Variants in PSKH1 observed in about 807,000 individuals in gnomAD.
PSKH1 encodes the protein protein serine kinase H1.
In PSKH1, 12 loss-of-function variants were observed where a neutral mutation model predicts 26.7. The ratio of observed to expected loss-of-function variants is 0.45; its 90% CI spans 0.29 to 0.73. PSKH1 has a LOEUF of 0.73. Among genes scored for constraint, PSKH1 ranks in the 30% least tolerant of loss-of-function variants. The probability of loss-of-function intolerance (pLI) is 0.11; values close to 1 mark genes in which losing one functional copy is unlikely to be tolerated. For synonymous variants in PSKH1, 213 were observed against 234.3 expected (o/e 0.91, Z 0.83); for missense variants, 431 against 595.2 (o/e 0.72, Z 2.87).
intron 2 of PSKH1, among the ~76,000 whole-genome samples, chr16:67,922,046 TC>T: frequency 6.6e-6 from 1 of 151,770 alleles, no homozygotes; most frequent in South Asian, 2.1e-4. Flanking sequence ...TCAGGCTCTC[TC>T]CCCCCACACC....
At chr16:67,912,259 C>T (rs542483837) in intron 2 of PSKH1, among the ~76,000 whole-genome samples, 1 of 152,254 alleles carries the variant, frequency 6.6e-6, no homozygotes, top group African/African-American at 2.4e-5. Flanking sequence ...GTCAGGAGTG[C>T]CCAACAGTGA....
chr16:67,923,770 A>G (rs1443263863), intron 2 of PSKH1, among the ~76,000 whole-genome samples: 3 of 152,198 alleles, frequency 2.0e-5, no homozygotes, highest in African/African-American at 7.2e-5. Context: ...TTCACCTAGA[A>G]CAAACAGAGT....
At chr16:67,904,515 T>G (rs2058150644) in intron 1 of PSKH1, among the ~76,000 whole-genome samples, 1 of 152,094 alleles carries the variant, frequency 6.6e-6, no homozygotes, top group Middle Eastern at 3.4e-3. Flanking sequence ...AATTTTTGTA[T>G]TTTTAGTAGA....
At chr16:67,905,538 A>G (rs1432591281) in intron 1 of PSKH1, among the ~76,000 whole-genome samples, 2 of 152,180 alleles carry the variant, frequency 1.3e-5, no homozygotes, top group African/African-American at 4.8e-5. Context: ...TTGGTTCTTA[A>G]GCTTAACACT....
chr16:67,913,614 G>A (rs939982051), intron 2 of PSKH1, among the ~76,000 whole-genome samples: 9 of 152,152 alleles, frequency 5.9e-5, no homozygotes, highest in Admixed American at 3.3e-4. Flanking sequence ...AGGAGTGATT[G>A]CTGGGTCCCA....
intron 1 of PSKH1, among the ~76,000 whole-genome samples, chr16:67,895,464 A>G (rs2058123839): frequency 6.7e-6 from 1 of 149,990 alleles, no homozygotes; most frequent in East Asian, 2.0e-4. Context: ...GCTGGAGTGC[A>G]GTGGTGCGAT....
chr16:67,907,118 C>T (rs2058158306), intron 1 of PSKH1, among the ~76,000 whole-genome samples: 1 of 151,792 alleles, frequency 6.6e-6, no homozygotes, highest in Non-Finnish European at 1.5e-5. Context: ...CGCCTGCCAC[C>T]ACGCCCGGCT....
chr16:67,923,016 T>C (rs1325042063), intron 2 of PSKH1, among the ~76,000 whole-genome samples: 4 of 152,238 alleles, frequency 2.6e-5, no homozygotes, highest in Non-Finnish European at 5.9e-5. Flanking sequence ...GTAGTGTTCA[T>C]GCCAGGCCCT....
intron 1 of PSKH1, among the ~76,000 whole-genome samples, chr16:67,896,977 T>C (rs1023226842): frequency 6.6e-6 from 1 of 152,134 alleles, no homozygotes; most frequent in African/African-American, 2.4e-5. Context: ...GTTAAATGAG[T>C]GAGACTTTGG....
intron 1 of PSKH1, among the ~76,000 whole-genome samples, chr16:67,905,230 T>C (rs1255222383): frequency 6.6e-6 from 1 of 152,068 alleles, no homozygotes; most frequent in African/African-American, 2.4e-5. Context: ...CTTTCGTAGC[T>C]CTCCTTCACT....
At chr16:67,912,872 A>C (rs796183867) in intron 2 of PSKH1, among the ~76,000 whole-genome samples, 1 of 151,336 alleles carries the variant, frequency 6.6e-6, no homozygotes, top group South Asian at 2.1e-4. Context: ...CTGTCTCAAA[A>C]AAAGAAACAA....
chr16:67,898,716 C>A (rs931957116), intron 1 of PSKH1, among the ~76,000 whole-genome samples: 2 of 151,538 alleles, frequency 1.3e-5, no homozygotes. Context: ...CTCTGCCTTC[C>A]GGGTTCAAGC....
At chr16:67,901,012 C>T (rs1238473834) in intron 1 of PSKH1, among the ~76,000 whole-genome samples, 1 of 152,146 alleles carries the variant, frequency 6.6e-6, no homozygotes, top group African/African-American at 2.4e-5. Context: ...TTCACCTGAC[C>T]ACAGTGTGGA....
chr16:67,899,915 C>G (rs1471299176), intron 1 of PSKH1, among the ~76,000 whole-genome samples: 1 of 151,772 alleles, frequency 6.6e-6, no homozygotes, highest in Non-Finnish European at 1.5e-5. Context: ...TCCCAAAGTG[C>G]TAGGATTCCA....
intron 2 of PSKH1, among the ~76,000 whole-genome samples, chr16:67,924,309 T>G (rs2058210567): frequency 6.6e-6 from 1 of 152,050 alleles, no homozygotes; most frequent in Non-Finnish European, 1.5e-5. Context: ...CCACAGTAAT[T>G]GGTGAGGCGA....
At position 67,926,998 on chromosome 16, in the gene PSKH1, G is replaced by A. The variant is rs150690846; in HGVS notation, c.958-327G>A. On this transcript the variant is annotated intron_variant, in intron 2 of 2. Transcript: ENST00000291041. ...GGAAAGTTTGAATCATTCTCTAACA[G>A]TCCCCTGAGTTATGATACTCCTGGG... is the stretch of plus-strand genomic sequence containing the variant. 2.3e-4 allele frequency among the ~76,000 whole-genome samples: 35 copies of A among 152,264 alleles called. 1 individual carries two copies. In the East Asian group the frequency reaches 4.6e-3, roughly 20 times the overall value.
chr16:67,917,392 C>G (rs1406173842), intron 2 of PSKH1, among the ~76,000 whole-genome samples: 2 of 152,248 alleles, frequency 1.3e-5, no homozygotes, highest in African/African-American at 4.8e-5. Flanking sequence ...GGCTGCTGAT[C>G]AGTGGACACA....
intron 1 of PSKH1, among the ~76,000 whole-genome samples, chr16:67,902,630 T>C (rs1045103413): frequency 2.0e-5 from 3 of 152,132 alleles, no homozygotes; most frequent in Admixed American, 1.3e-4. Context: ...GGTTTTTCCC[T>C]GAGGACCAGA....
intron 1 of PSKH1, among the ~76,000 whole-genome samples, chr16:67,901,790 C>T (rs574822568): frequency 2.0e-5 from 3 of 152,006 alleles, no homozygotes; most frequent in African/African-American, 7.3e-5. Context: ...CATGCCACCA[C>T]GCCTGACTAA....
Sources: gnomAD v4.1 joint callset for allele counts (sites outside exome capture counted in the v4.1 genomes callset) on GRCh38, gnomAD v4.1.1 for gene constraint, MANE v1.5 for transcripts, NCBI Gene and HGNC (gene_info 2026-07-23, HGNC 2026-07-21) for gene names.